NRXN3: variants seen among roughly 807,000 people sequenced by gnomAD.
NRXN3 encodes the protein neurexin III.
A neutral mutation model predicts 137.6 loss-of-function variants in NRXN3; 32 were observed. That is an observed-to-expected ratio of 0.23 (90% CI 0.18 to 0.31). NRXN3 has a LOEUF of 0.31. NRXN3 is among the 10% of genes least tolerant of loss of function. The pLI is 1.00. For missense variants in NRXN3, 1,574 were observed against 2,062.5 expected (o/e 0.76, Z 4.59); for synonymous variants, 798 against 784.5 (o/e 1.02, Z -0.29).
chr14:78,759,350 T>C lies in NRXN3; in HGVS notation c.2044+44211T>C, dbSNP rs80195980. ...CCAGGTGCATTATATACGATATCTC[T>C]TTTGATATGTCCAACAATACTAGAA... On this transcript the variant is annotated intron_variant, in intron 8 of 20. Coordinates refer to ENST00000335750, the MANE Select transcript of NRXN3 (RefSeq NM_001330195.2). Among the ~76,000 whole-genome samples, 527 of 152,374 alleles carry C rather than the reference T, an allele frequency of 3.5e-3. 2 individuals carry two copies. The highest frequency in any genetic ancestry group is 0.012 in the African/African-American group (515 of 41,588).
chr14:78,607,817 C>T (rs2097265181), intron 4 of NRXN3, among the ~76,000 whole-genome samples: 1 of 152,134 alleles, frequency 6.6e-6, no homozygotes, highest in Non-Finnish European at 1.5e-5. Flanking sequence ...ATCCCTCTTA[C>T]ATCCTCAGAT....
At chr14:79,500,094 T>C (rs1045591055) in intron 16 of NRXN3, among the ~76,000 whole-genome samples, 11 of 152,012 alleles carry the variant, frequency 7.2e-5, no homozygotes, top group Non-Finnish European at 1.3e-4. Context: ...GTTTTGAGAA[T>C]ACAAAGAAAG....
intron 15 of NRXN3, among the ~76,000 whole-genome samples, chr14:79,306,048 T>A (rs1309433657): frequency 6.6e-6 from 1 of 152,090 alleles, no homozygotes; most frequent in Non-Finnish European, 1.5e-5. Flanking sequence ...AAATGTGTGA[T>A]GTGATTCCAT....
chr14:79,274,329 G>A lies in NRXN3; in HGVS notation c.3263-192892G>A, dbSNP rs532712225. On this transcript the variant is annotated intron_variant, in intron 15 of 20. Coordinates refer to ENST00000335750, the MANE Select transcript of NRXN3 (RefSeq NM_001330195.2). ...GCAATGATTCTGAATAAAGTCTCCT[G>A]TACCAAAAAAATAAAAAGTATTCTC... 2.6e-5 allele frequency among the ~76,000 whole-genome samples: 4 copies of A among 152,074 alleles called. No homozygotes were observed. In the East Asian group the frequency reaches 7.7e-4, roughly 29 times the overall value.
intron 15 of NRXN3, among the ~76,000 whole-genome samples, chr14:79,259,167 A>C (rs1315423353): frequency 6.6e-6 from 1 of 152,216 alleles, no homozygotes; most frequent in African/African-American, 2.4e-5. Flanking sequence ...AAACAGTCCC[A>C]GCATCCCATC....
rs189412040 is a variant in NRXN3, at chr14:78,538,819, A to G, written c.758-106301A>G. Among the ~76,000 whole-genome samples, 260 of 152,344 alleles carry G rather than the reference A, an allele frequency of 1.7e-3. 1 individual carries two copies. Among genetic ancestry groups the G allele is most frequent in the Non-Finnish European group, 3.1e-3 (209 of 68,026 alleles). ...ACCTAGTTTATTGAGAGTTTTTAGC[A>G]TGAAAGGCTGTTGAATTTTGTGGAA... On this transcript the variant is annotated intron_variant, in intron 4 of 20. Transcript: ENST00000335750.
At chr14:79,715,740 C>G (rs1567988164) in intron 19 of NRXN3, among the ~76,000 whole-genome samples, 1 of 152,154 alleles carries the variant, frequency 6.6e-6, no homozygotes, top group African/African-American at 2.4e-5. Context: ...GGAGGACAGG[C>G]TTCTAAGACA....
intron 15 of NRXN3, among the ~76,000 whole-genome samples, chr14:79,026,952 A>ATAAT (rs2099599218): frequency 0.035 from 3 of 86 alleles, no homozygotes; most frequent in African/African-American, 0.045. Flanking sequence ...TTATAATTTT[A>ATAAT]TATATATATA....
chr14:79,331,587 C>T (rs1306116950), intron 15 of NRXN3, among the ~76,000 whole-genome samples: 1 of 152,132 alleles, frequency 6.6e-6, no homozygotes, highest in African/African-American at 2.4e-5. Context: ...TCATTATGGG[C>T]AACCCTGAAT....
At position 79,471,275 on chromosome 14, in the gene NRXN3, C is replaced by G. The variant is rs78412951; in HGVS notation, c.3444+3873C>G. ...GAAAATTCTCAGTGCCTCACTCTCT[C>G]TCTTCAAGCTTTACACCAGGAAGAT... On this transcript the variant is annotated intron_variant, in intron 16 of 20. Transcript: ENST00000335750. Among the ~76,000 whole-genome samples the G allele has an allele frequency of 1.1e-4, 17 of 152,238 alleles. No homozygotes were observed. The East Asian group carries it at 3.3e-3, about 30-fold the overall frequency.
At chr14:79,139,336 A>G (rs959345310) in intron 15 of NRXN3, among the ~76,000 whole-genome samples, 1 of 152,190 alleles carries the variant, frequency 6.6e-6, no homozygotes, top group African/African-American at 2.4e-5. Context: ...TAGCAAGTCA[A>G]CAGAGACCTG....
At chr14:79,309,036 G>A (rs1247380100) in intron 15 of NRXN3, among the ~76,000 whole-genome samples, 23 of 108,346 alleles carry the variant, frequency 2.1e-4, no homozygotes, top group African/African-American at 8.6e-4. Context: ...ACCCACTAAC[G>A]TGTCATCTAG....
chr14:78,753,597 A>G (rs1339525905), intron 8 of NRXN3: 1 of 152,192 alleles, frequency 6.6e-6, no homozygotes, highest in Non-Finnish European at 1.5e-5. Flanking sequence ...TGAGATTTGA[A>G]TGGTAACTTG....
At chr14:78,903,582 C>A (rs943141292) in intron 10 of NRXN3, among the ~76,000 whole-genome samples, 10 of 152,016 alleles carry the variant, frequency 6.6e-5, no homozygotes, top group Non-Finnish European at 1.3e-4. Context: ...TCAGGAGATA[C>A]AGAAATTTGT....
At chr14:78,965,983 A>T in intron 11 of NRXN3, 42 bp from the exon 12 acceptor site, 1 of 1,588,048 alleles carries the variant, frequency 6.3e-7, no homozygotes. Context: ...GTGATAAATG[A>T]TGGTAACTTT....
chr14:79,204,251 T>G (rs769066574), intron 15 of NRXN3, among the ~76,000 whole-genome samples: 4 of 151,824 alleles, frequency 2.6e-5, no homozygotes, highest in East Asian at 2.0e-4. Context: ...TTGTGAAGCT[T>G]CTTCTGCTTG....
rs1269966279 is a variant in NRXN3 at position 79,861,630 on chromosome 14, T to C, written c.4382T>C (p.Ile1461Thr). 4 of 1,613,956 alleles carry C rather than the reference T, an allele frequency of 2.5e-6. No homozygotes were observed. Among genetic ancestry groups the C allele is most frequent in the Non-Finnish European group, 3.4e-6 (4 of 1,180,022 alleles). The change falls in exon 21 of 21, where the codon ATT becomes ACT. Residue 1461 changes from isoleucine (I) to threonine (T), a missense_variant. Ile to Thr is a moderately conservative substitution (Grantham distance 89). Coordinates refer to ENST00000335750, the MANE Select transcript of NRXN3 (RefSeq NM_001330195.2). This position sits in a 1 kb window ranked among gnomAD's most constrained non-coding sequence, Gnocchi z 5.4. ...LDSTKLKSPL[I>T]TSPMFRNVPT... is the part of the protein sequence containing the mutation. ...AGCACCAAACTGAAGAGCCCACTAATTACTTCCCCCATGTTCCGTAATGTG... is the reference window on the plus strand; with the variant it reads ...AGCACCAAACTGAAGAGCCCACTAACTACTTCCCCCATGTTCCGTAATGTG...
chr14:79,292,139 C>T (rs530292143), intron 15 of NRXN3, among the ~76,000 whole-genome samples: 4 of 152,134 alleles, frequency 2.6e-5, no homozygotes, highest in African/African-American at 4.8e-5. Flanking sequence ...TAGAACAGTT[C>T]CCGGATACTG....
At chr14:79,434,701 G>A (rs923456540) in intron 15 of NRXN3, among the ~76,000 whole-genome samples, 1 of 152,186 alleles carries the variant, frequency 6.6e-6, no homozygotes, top group African/African-American at 2.4e-5. Context: ...TTGGGGTGGG[G>A]AGGGTCCCCT....
Sources: gnomAD v4.1 joint callset for allele counts (sites outside exome capture counted in the v4.1 genomes callset) on GRCh38, gnomAD v4.1.1 for gene constraint, Gnocchi (gnomAD v3.1) non-coding constraint, MANE v1.5 for transcripts, NCBI Gene and HGNC (gene_info 2026-07-23, HGNC 2026-07-21) for gene names.